Variants in SYN3 observed in about 807,000 individuals in gnomAD.
SYN3 encodes the protein synapsin III.
A neutral mutation model predicts 65.8 loss-of-function variants in SYN3; 35 were observed. The ratio of observed to expected loss-of-function variants is 0.53; its 90% CI spans 0.41 to 0.70. The LOEUF is 0.70. Among genes scored for constraint, SYN3 ranks in the 30% least tolerant of loss-of-function variants. The pLI is 0.00. For synonymous variants in SYN3, 270 were observed against 292.9 expected, an observed-to-expected ratio of 0.92 and a Z score of 0.80; for missense variants, 680 against 749.0, an observed-to-expected ratio of 0.91 and a Z score of 1.08.
At chr22:32,540,794 A>G (rs1337759389) in intron 8 of SYN3, among the ~76,000 whole-genome samples, 2 of 152,212 alleles carry the variant, frequency 1.3e-5, no homozygotes, top group Non-Finnish European at 2.9e-5. Context: ...TTCTCTAATC[A>G]ATAAAATGCG....
At chr22:32,561,801 GT>G (rs1398062800) in intron 7 of SYN3, among the ~76,000 whole-genome samples, 1 of 152,214 alleles carries the variant, frequency 6.6e-6, no homozygotes, top group African/African-American at 2.4e-5. Flanking sequence ...AGGCTCCTAC[GT>G]GGGGAAGCCT....
intron 5 of SYN3, among the ~76,000 whole-genome samples, chr22:32,868,354 T>A (rs112316406): frequency 6.6e-6 from 1 of 151,210 alleles, no homozygotes; most frequent in African/African-American, 2.4e-5. Flanking sequence ...GATCAATTAT[T>A]ACATATATGT....
At chr22:32,579,161 T>C (rs1032993507) in intron 7 of SYN3, among the ~76,000 whole-genome samples, 1 of 152,232 alleles carries the variant, frequency 6.6e-6, no homozygotes. Context: ...CAAATGTTCA[T>C]GAAATGTTTG....
chr22:32,849,655 G>C, intron 6 of SYN3: 2 of 847,838 alleles, frequency 2.4e-6, no homozygotes, highest in Non-Finnish European at 4.0e-6. Context: ...GCCAGACCCA[G>C]CCCTTCTGCC....
At chr22:32,953,843 T>C (rs527828895) in intron 3 of SYN3, among the ~76,000 whole-genome samples, 225 of 152,286 alleles carry the variant, frequency 1.5e-3, no homozygotes, top group Non-Finnish European at 2.1e-3. Context: ...TCCTCCTTCT[T>C]CATCAACATC....
At chr22:32,614,051 T>C (rs1050565275) in intron 6 of SYN3, among the ~76,000 whole-genome samples, 24 of 152,198 alleles carry the variant, frequency 1.6e-4, no homozygotes, top group Non-Finnish European at 3.2e-4. Flanking sequence ...GGGCTAAAAG[T>C]AGGATGCTCC....
Position 32,586,456 on chromosome 22 carries a change from T to A in SYN3, c.774+10218A>T, listed in dbSNP as rs147051490. On this transcript the variant is annotated intron_variant, in intron 7 of 13. Coordinates refer to ENST00000358763, the MANE Select transcript of SYN3 (RefSeq NM_003490.4). ...ATAACTCATGCCTAAATGAAACTTATCTAACACATCTATTTTTTTCCATAA... is the reference window on the plus strand; with the variant it reads ...ATAACTCATGCCTAAATGAAACTTAACTAACACATCTATTTTTTTCCATAA... 5.6e-4 allele frequency among the ~76,000 whole-genome samples: 85 copies of A among 152,296 alleles called. 1 individual carries two copies. In the East Asian group the frequency reaches 0.014, roughly 26 times the overall value.
rs56343315 is a variant in SYN3, at chr22:33,015,242, A to AAAAAAAAAT, written c.-162-8419_-162-8418insATTTTTTTT. ...TCTCAAAAAAAAAAAAAAAAAAAAAACTACTGTATCTTGGACGAGACTATC... is the reference window on the plus strand; with the variant it reads ...TCTCAAAAAAAAAAAAAAAAAAAAAAAAAAAAAATCTACTGTATCTTGGACGAGACTATC... On this transcript the variant is annotated intron_variant, in intron 1 of 13. Coordinates refer to ENST00000358763, the MANE Select transcript of SYN3 (RefSeq NM_003490.4). The AAAAAAAAAT allele has an allele frequency of 2.4e-4, 52 of 216,184 alleles. 2 individuals are homozygous for AAAAAAAAAT. The highest frequency in any genetic ancestry group is 1.2e-3 in the South Asian group (22 of 17,846). The allele number at this position is 216,184 out of a possible 1,614,324, so 13.4% of individuals were successfully genotyped here. A position where few individuals can be genotyped will look rare whatever the true frequency, so the allele number is the denominator to read the frequency against.
chr22:32,725,154 C>T (rs56005834), intron 6 of SYN3, among the ~76,000 whole-genome samples: 1,829 of 152,130 alleles, frequency 0.012, 15 homozygotes, highest in Non-Finnish European at 0.017. Context: ...CACAACACAA[C>T]GCAACACAAC....
chr22:32,593,729 G>A (rs1425716278), intron 7 of SYN3, among the ~76,000 whole-genome samples: 2 of 152,138 alleles, frequency 1.3e-5, no homozygotes, highest in South Asian at 2.1e-4. Context: ...CTGGATATAA[G>A]AGCCTGATGC....
At chr22:32,866,517 T>A (rs577437426) in intron 5 of SYN3, among the ~76,000 whole-genome samples, 3 of 152,332 alleles carry the variant, frequency 2.0e-5, no homozygotes, top group East Asian at 3.9e-4. Context: ...ACTAGCTATG[T>A]GAGCCTCAGT....
intron 3 of SYN3, among the ~76,000 whole-genome samples, chr22:32,975,495 A>C (rs145825459): frequency 6.6e-6 from 1 of 152,234 alleles, no homozygotes; most frequent in East Asian, 1.9e-4. Context: ...GAGTCTCACA[A>C]TGTTGCCCAG....
intron 6 of SYN3, among the ~76,000 whole-genome samples, chr22:32,706,585 G>C (rs11704071): frequency 6.6e-6 from 1 of 152,210 alleles, no homozygotes; most frequent in African/African-American, 2.4e-5. Flanking sequence ...GGCAGAAGTG[G>C]GGAGACCAAG....
chr22:32,571,737 A>G (rs1263671342), intron 7 of SYN3, among the ~76,000 whole-genome samples: 3 of 152,202 alleles, frequency 2.0e-5, no homozygotes, highest in African/African-American at 7.2e-5. Context: ...CTTCCTAAGA[A>G]CAGCAACTGC....
At chr22:32,765,842 G>A (rs1057255368) in intron 6 of SYN3, among the ~76,000 whole-genome samples, 1 of 152,132 alleles carries the variant, frequency 6.6e-6, no homozygotes, top group Non-Finnish European at 1.5e-5. Context: ...GTCAAACTCA[G>A]GCTGTGTGGA....
At chr22:32,804,842 G>GT (rs2046683276) in intron 6 of SYN3, among the ~76,000 whole-genome samples, 1 of 152,178 alleles carries the variant, frequency 6.6e-6, no homozygotes, top group Non-Finnish European at 1.5e-5. Flanking sequence ...GATGTCTGTG[G>GT]TCCCCCTCCC....
intron 1 of SYN3, among the ~76,000 whole-genome samples, chr22:33,027,376 C>T (rs1267127955): frequency 1.3e-5 from 2 of 152,054 alleles, no homozygotes; most frequent in East Asian, 3.9e-4. Flanking sequence ...GCAGGCAGAT[C>T]GCCTGAGGTC....
chr22:32,707,959 T>C (rs1402506025), intron 6 of SYN3, among the ~76,000 whole-genome samples: 1 of 152,240 alleles, frequency 6.6e-6, no homozygotes, highest in African/African-American at 2.4e-5. Context: ...AAACACTTTG[T>C]AATCTGCCAG....
intron 6 of SYN3, among the ~76,000 whole-genome samples, chr22:32,727,881 C>G (rs967509839): frequency 6.6e-6 from 1 of 152,124 alleles, no homozygotes; most frequent in African/African-American, 2.4e-5. Flanking sequence ...GATGTTAGAC[C>G]TTTGTCAGAT....
Sources: gnomAD v4.1 joint callset for allele counts (sites outside exome capture counted in the v4.1 genomes callset) on GRCh38, gnomAD v4.1.1 for gene constraint, MANE v1.5 for transcripts, NCBI Gene and HGNC (gene_info 2026-07-23, HGNC 2026-07-21) for gene names.